The following PKP4 variants were observed in gnomAD, a reference collection of about 807,000 sequenced individuals.
PKP4 encodes the protein plakophilin 4.
PKP4 carries 90 observed loss-of-function variants against 145.1 expected under a neutral mutation model. That is an observed-to-expected ratio of 0.62 (90% CI 0.52 to 0.74). PKP4 has a LOEUF of 0.74. Among genes scored for constraint, PKP4 ranks in the 30% least tolerant of loss-of-function variants. The probability of loss-of-function intolerance (pLI) is 0.00; values close to 1 mark genes in which losing one functional copy is unlikely to be tolerated. For missense variants in PKP4, 1,340 were observed against 1,482.7 expected, an observed-to-expected ratio of 0.90 and a Z score of 1.58; for synonymous variants, 563 against 577.2, an observed-to-expected ratio of 0.98 and a Z score of 0.35.
At chr2:158,571,796 C>G (rs2105767826) in intron 2 of PKP4, among the ~76,000 whole-genome samples, 1 of 152,232 alleles carries the variant, frequency 6.6e-6, no homozygotes, top group East Asian at 1.9e-4. Flanking sequence ...TGAAGTATGA[C>G]CTGCTTTCAG....
chr2:158,532,355 C>T (rs1159949016), intron 1 of PKP4, among the ~76,000 whole-genome samples: 1 of 152,156 alleles, frequency 6.6e-6, no homozygotes, highest in Non-Finnish European at 1.5e-5. Flanking sequence ...TATCATCCTT[C>T]ATTCATGTAT....
At chr2:158,521,382 AT>A (rs201616313) in intron 1 of PKP4, among the ~76,000 whole-genome samples, 1 of 152,070 alleles carries the variant, frequency 6.6e-6, no homozygotes, top group Non-Finnish European at 1.5e-5. Flanking sequence ...CTTTTGCTTA[AT>A]TTTTTTTACC....
chr2:158,508,880 G>A (rs776049715), intron 1 of PKP4, among the ~76,000 whole-genome samples: 4 of 152,048 alleles, frequency 2.6e-5, no homozygotes, highest in Non-Finnish European at 5.9e-5. Flanking sequence ...TCTAACATGT[G>A]TTCTCTTTCT....
chr2:158,499,240 C>A (rs546498252), intron 1 of PKP4, among the ~76,000 whole-genome samples: 1 of 151,918 alleles, frequency 6.6e-6, no homozygotes, highest in East Asian at 1.9e-4. Context: ...AAAAAATGGG[C>A]CCCTTTCATA....
At chr2:158,485,866 T>A (rs924608209) in intron 1 of PKP4, among the ~76,000 whole-genome samples, 1 of 152,234 alleles carries the variant, frequency 6.6e-6, no homozygotes, top group East Asian at 1.9e-4. Flanking sequence ...TTAATGTCAA[T>A]AATTAAAATA....
chr2:158,660,598 C>T (rs1182531737), intron 12 of PKP4: 2 of 152,532 alleles, frequency 1.3e-5, no homozygotes, highest in Non-Finnish European at 2.9e-5. Context: ...TAGCCTAGAA[C>T]CATTGTTAAT....
At chr2:158,609,532 T>C (rs2050949638) in intron 4 of PKP4, among the ~76,000 whole-genome samples, 1 of 152,234 alleles carries the variant, frequency 6.6e-6, no homozygotes, top group Non-Finnish European at 1.5e-5. Flanking sequence ...TTTTCTTAAG[T>C]TTTACAAATT....
At chr2:158,471,799 T>C (rs975673361) in intron 1 of PKP4, among the ~76,000 whole-genome samples, 2 of 152,254 alleles carry the variant, frequency 1.3e-5, no homozygotes, top group African/African-American at 4.8e-5. Context: ...GTAATTCCTT[T>C]TTTAGATACC....
intron 11 of PKP4, among the ~76,000 whole-genome samples, chr2:158,656,455 G>A (rs1329869674): frequency 6.6e-6 from 1 of 152,170 alleles, no homozygotes. Flanking sequence ...GCAAGCTTTT[G>A]GAAGTAAAGC....
At chr2:158,528,414 A>G (rs1399913105) in intron 1 of PKP4, among the ~76,000 whole-genome samples, 2 of 100,640 alleles carry the variant, frequency 2.0e-5, no homozygotes, top group African/African-American at 7.3e-5. Context: ...ACATATTCTC[A>G]GTCATAGGTG....
At chr2:158,559,742 A>G (rs2105732490) in intron 2 of PKP4, among the ~76,000 whole-genome samples, 1 of 152,344 alleles carries the variant, frequency 6.6e-6, no homozygotes, top group African/African-American at 2.4e-5. Flanking sequence ...TTTTCATAAA[A>G]TAGACAAAGG....
At chr2:158,541,639 G>A (rs975512794) in intron 2 of PKP4, among the ~76,000 whole-genome samples, 4 of 151,960 alleles carry the variant, frequency 2.6e-5, no homozygotes, top group African/African-American at 4.8e-5. Flanking sequence ...TAAATTAAAA[G>A]TATACTTAGA....
At chr2:158,584,054 C>G (rs914574867) in intron 3 of PKP4, among the ~76,000 whole-genome samples, 11 of 152,116 alleles carry the variant, frequency 7.2e-5, no homozygotes, top group African/African-American at 2.7e-4. Context: ...ATTCCGTTTC[C>G]CAGGACCAGG....
At chr2:158,671,977 C>G (rs1042014922) in intron 17 of PKP4, among the ~76,000 whole-genome samples, 4 of 152,096 alleles carry the variant, frequency 2.6e-5, no homozygotes, top group African/African-American at 9.7e-5. Context: ...GTGAGAGAGC[C>G]CTGAGAAGCT....
At chr2:158,518,934 A>C (rs928934451) in intron 1 of PKP4, among the ~76,000 whole-genome samples, 1 of 152,178 alleles carries the variant, frequency 6.6e-6, no homozygotes, top group African/African-American at 2.4e-5. Flanking sequence ...AGAAATTTCA[A>C]TGGCTTGGTC....
At chr2:158,656,965 G>A (rs1277581483) in intron 11 of PKP4, among the ~76,000 whole-genome samples, 2 of 152,232 alleles carry the variant, frequency 1.3e-5, no homozygotes, top group East Asian at 1.9e-4. Flanking sequence ...TCCGGGCCAC[G>A]CTCTTGATCA....
At chr2:158,607,763 A>G (rs1211990771) in intron 4 of PKP4, among the ~76,000 whole-genome samples, 1 of 152,138 alleles carries the variant, frequency 6.6e-6, no homozygotes, top group African/African-American at 2.4e-5. Context: ...TTTAATTACC[A>G]AAAGCCAAGC....
chr2:158,591,732 T>G (rs1393438660), intron 3 of PKP4, among the ~76,000 whole-genome samples: 1 of 152,102 alleles, frequency 6.6e-6, no homozygotes, highest in Admixed American at 6.6e-5. Context: ...AAATGTCATT[T>G]ATTAGCTCTA....
At chr2:158,535,779 G>C (rs369959361) in intron 2 of PKP4, among the ~76,000 whole-genome samples, 18 of 152,074 alleles carry the variant, frequency 1.2e-4, no homozygotes, top group African/African-American at 4.3e-4. Flanking sequence ...TCCACTCTGT[G>C]ATCTCAAATA....
Sources: allele counts gnomAD v4.1 joint callset (sites outside exome capture counted in the v4.1 genomes callset), GRCh38; gene constraint gnomAD v4.1.1; transcripts MANE v1.5; gene names NCBI Gene and HGNC (gene_info 2026-07-23, HGNC 2026-07-21).